The following MAG variants were observed in gnomAD, a reference collection of about 807,000 sequenced individuals.
The protein encoded by MAG is myelin-associated glycoprotein.
A neutral mutation model predicts 60.7 loss-of-function variants in MAG; 30 were observed. The ratio of observed to expected loss-of-function variants is 0.49; its 90% CI spans 0.37 to 0.67. The LOEUF (loss-of-function observed/expected upper bound fraction) is 0.67. Among genes scored for constraint, MAG ranks in the 30% least tolerant of loss-of-function variants. The pLI, the probability that MAG is intolerant of heterozygous loss-of-function variation, is 0.00. For missense variants in MAG, 795 were observed against 851.7 expected (o/e 0.93, Z 0.83); for synonymous variants, 384 against 376.8 (o/e 1.02, Z -0.22).
intron 7 of MAG, among the ~76,000 whole-genome samples, chr19:35,306,838 A>C (rs1461845264): frequency 6.6e-6 from 1 of 151,826 alleles, no homozygotes; most frequent in Non-Finnish European, 1.5e-5. Flanking sequence ...ACAGATGAGA[A>C]CTCCATCCTA....
intron 7 of MAG, among the ~76,000 whole-genome samples, chr19:35,304,246 G>T (rs1599654136): frequency 6.6e-6 from 1 of 152,136 alleles, no homozygotes; most frequent in Middle Eastern, 3.4e-3. Flanking sequence ...GGGCTGCGTG[G>T]TCCCCTGCTC....
At chr19:35,306,685 G>T (rs11879566) in intron 7 of MAG, among the ~76,000 whole-genome samples, 27,719 of 152,168 alleles carry the variant, frequency 0.18, 2,598 homozygotes, top group Middle Eastern at 0.27. Flanking sequence ...TGATCCTCCT[G>T]CCTTGGCCTC....
In MAG at chr19:35,313,484, C is replaced by A; in HGVS notation, c.*30C>A. The stretch of plus-strand genomic sequence containing the variant: ...GCTGGGGGCAGCCTGCGTGGCTGAC[C>A]CCCCTCAGGACCCTCGCTGGCCCCC... On this transcript the variant is annotated 3_prime_UTR_variant, in exon 11 of 11. Coordinates refer to ENST00000392213, the MANE Select transcript of MAG (RefSeq NM_002361.4). 1 of 1,591,770 alleles carries A rather than the reference C, an allele frequency of 6.3e-7. No homozygotes were observed. Among genetic ancestry groups the A allele is most frequent in the Admixed American group, 1.7e-5 (1 of 57,164 alleles).
Position 35,310,071 on chromosome 19 carries a change from C to G in MAG, c.1429C>G (p.Arg477Gly). The G allele has an allele frequency of 6.2e-7, 1 of 1,613,356 alleles. No homozygotes were observed. The highest frequency in any genetic ancestry group is 8.5e-7 in the Non-Finnish European group (1 of 1,179,848). Residue 477 changes from arginine (R) to glycine (G), a missense_variant, in exon 8 of 11, where the codon CGG becomes GGG. Coordinates refer to ENST00000392213, the MANE Select transcript of MAG (RefSeq NM_002361.4). ...CGTGCTCACCAGCATCCTCACGCTG[C>G]GGGGGCAGGCCCAGGCCCCGCCCCG... is the stretch of plus-strand genomic sequence containing the variant. ...GLVLTSILTLRGQAQAPPRVI... is the reference protein window; with the variant it reads ...GLVLTSILTLGGQAQAPPRVI...
chr19:35,295,402 G>A lies in MAG; in HGVS notation c.-7G>A, dbSNP rs201001458. 6.2e-7 allele frequency: 1 copy of A among 1,613,832 alleles called. No individual in the cohort carries two copies. Among genetic ancestry groups the A allele is most frequent in the Non-Finnish European group, 8.5e-7 (1 of 1,179,984 alleles). On this transcript the variant is annotated 5_prime_UTR_variant, in exon 3 of 11. Transcript: ENST00000392213. The surrounding 1 kb of genome is among the most constrained non-coding windows in gnomAD (Gnocchi z 5.8). ...CCTTTCCAGCGATCACTCACTCGCT[G>A]TACAGAATGATATTCCTCACGGCAC...
In MAG at chr19:35,313,431, T is replaced by C. The variant is rs2066543898; in HGVS notation, c.1858T>C (p.Tyr620His). 6.2e-7 allele frequency: 1 copy of C among 1,612,780 alleles called. No homozygotes were observed. Among genetic ancestry groups the C allele is most frequent in the African/African-American group, 1.3e-5 (1 of 74,834 alleles). ...SYTLTEELAE[Y>H]AEIRVK ...CACGCTGACGGAGGAGCTAGCTGAG[T>C]ATGCTGAAATCCGGGTCAAGTGAAG... The change falls in exon 11 of 11, where the codon TAT (tyrosine) becomes CAT (histidine). Residue 620 changes from tyrosine (Y) to histidine (H), a missense_variant. Tyr to His is a moderately conservative substitution (Grantham distance 83, BLOSUM62 2). Transcript: ENST00000392213.
In MAG at chr19:35,295,465, A is replaced by G; in HGVS notation, c.46+11A>G. 3 of 1,614,038 alleles carry G rather than the reference A, an allele frequency of 1.9e-6. No individual in the cohort carries two copies. The highest frequency in any genetic ancestry group is 2.2e-5 in the East Asian group (1 of 44,876). ...GGATTATGATTTCAGGTAACGGCTG[A>G]CAGGTGCTGGGGACCTAAAGGCTTT... On this transcript the variant is annotated intron_variant, in intron 3 of 10. Coordinates refer to ENST00000392213, the MANE Select transcript of MAG (RefSeq NM_002361.4). The surrounding 1 kb of genome is among the most constrained non-coding windows in gnomAD (Gnocchi z 5.8).
chr19:35,302,763 A>T, intron 7 of MAG, 55 bp downstream of exon 7: 1 of 1,589,788 alleles, frequency 6.3e-7, no homozygotes, highest in Non-Finnish European at 8.6e-7. Context: ...GGGGGACACC[A>T]GGGTTACTGT....
intron 4 of MAG, among the ~76,000 whole-genome samples, chr19:35,298,362 A>C (rs1260610087): frequency 6.7e-6 from 1 of 150,202 alleles, no homozygotes. Context: ...CACTACCCAC[A>C]CACCAAATAC....
intron 7 of MAG, among the ~76,000 whole-genome samples, chr19:35,309,290 A>G (rs1437883087): frequency 6.6e-6 from 1 of 152,148 alleles, no homozygotes; most frequent in Admixed American, 6.5e-5. Flanking sequence ...TCATCAGTCC[A>G]AAGCATTTGG....
chr19:35,299,858 TGGGTGCGGGCGGGGCGGGGTGGGGCG>T lies in MAG; in HGVS notation c.712+14_712+39del. The T allele has an allele frequency of 1.3e-6, 1 of 782,338 alleles. No homozygotes were observed. The highest frequency in any genetic ancestry group is 1.5e-6 in the Non-Finnish European group (1 of 662,066). 48.5% of individuals were successfully genotyped at this position (782,338 alleles called of 1,614,324 possible). A position where few individuals can be genotyped will look rare whatever the true frequency, so the allele number is the denominator to read the frequency against. On this transcript the variant is annotated intron_variant, in intron 5 of 10. Coordinates refer to ENST00000392213, the MANE Select transcript of MAG (RefSeq NM_002361.4). ...CCAGCATGGACGTCAAGTGTGAGCC[TGGGTGCGGGCGGGGCGGGGTGGGGCG>T]GGGTGGGGCGGGGTCCGGGGAGGGG...
rs202087211 is a variant in MAG at position 35,300,374 on chromosome 19, G to T, written c.940G>T (p.Asp314Tyr). 86 of 1,590,196 alleles carry T rather than the reference G, an allele frequency of 5.4e-5. 2 individuals are homozygous for T. In the South Asian group the frequency reaches 9.5e-4, roughly 18 times the overall value. Residue 314 changes from aspartate to tyrosine, a missense_variant, in exon 6 of 11, where the codon GAC (aspartate) becomes TAC (tyrosine). Physicochemically the swap from Asp to Tyr is radical, Grantham distance 160. Coordinates refer to ENST00000392213, the MANE Select transcript of MAG (RefSeq NM_002361.4). ...CCTGGCCGAGAATGCCTATGGCCAGGACAACCGCACCGTGGGGCTCAGTGT... is the reference window on the plus strand; with the variant it reads ...CCTGGCCGAGAATGCCTATGGCCAGTACAACCGCACCGTGGGGCTCAGTGT... ...ACLAENAYGQ[D>Y]NRTVGLSVMY...
Position 35,301,233 on chromosome 19 carries a change from G to A in MAG, c.970+829G>A, listed in dbSNP as rs551785740. On this transcript the variant is annotated intron_variant, in intron 6 of 10. Coordinates refer to ENST00000392213, the MANE Select transcript of MAG (RefSeq NM_002361.4). ...AATGAGAGGGTTGAGGGGACTTCAGGCCTCATCCAGCCCCTTGTATGCACA... is the reference window on the plus strand; with the variant it reads ...AATGAGAGGGTTGAGGGGACTTCAGACCTCATCCAGCCCCTTGTATGCACA... Among the ~76,000 whole-genome samples the A allele has an allele frequency of 2.6e-5, 4 of 152,188 alleles. No individual in the cohort carries two copies. In the East Asian group the frequency reaches 5.8e-4, roughly 22 times the overall value.
chr19:35,298,618 C>G (rs747637735), intron 4 of MAG, among the ~76,000 whole-genome samples: 23 of 150,308 alleles, frequency 1.5e-4, no homozygotes, highest in Middle Eastern at 3.5e-3. Context: ...TACCCACACA[C>G]CACACACATA....
chr19:35,304,832 G>A (rs1356752780), intron 7 of MAG, among the ~76,000 whole-genome samples: 1 of 152,188 alleles, frequency 6.6e-6, no homozygotes, highest in African/African-American at 2.4e-5. Flanking sequence ...GAGCCACCAT[G>A]CCCAGCCTAT....
intron 4 of MAG, 73 bp downstream of exon 4, chr19:35,296,054 TC>T: frequency 1.3e-6 from 2 of 1,501,676 alleles, no homozygotes; most frequent in Non-Finnish European, 1.8e-6. Flanking sequence ...CCGGAAGGCC[TC>T]CCCGCACCTT....
At chr19:35,305,169 C>A (rs532230249) in intron 7 of MAG, among the ~76,000 whole-genome samples, 2 of 152,146 alleles carry the variant, frequency 1.3e-5, no homozygotes, top group Non-Finnish European at 2.9e-5. Context: ...CAGCTCCCTA[C>A]TCTTCACCCA....
At chr19:35,303,181 C>G (rs1462337774) in intron 7 of MAG, among the ~76,000 whole-genome samples, 1 of 152,184 alleles carries the variant, frequency 6.6e-6, no homozygotes, top group Non-Finnish European at 1.5e-5. Context: ...GCCTCAGTCT[C>G]CCAAAGTCCT....
rs2066515052 is a variant in MAG at position 35,310,056 on chromosome 19, A to G, written c.1414A>G (p.Ser472Gly). The change falls in exon 8 of 11, where the codon AGC (serine) becomes GGC (glycine). Residue 472 changes from serine to glycine, a missense_variant. Ser to Gly is a moderately conservative substitution (Grantham distance 56). Transcript: ENST00000392213. ...YSERSGLVLT[S>G]ILTLRGQAQA... is the part of the protein sequence containing the mutation. ...GGAGCGCAGCGGCCTCGTGCTCACCAGCATCCTCACGCTGCGGGGGCAGGC... is the reference window on the plus strand; with the variant it reads ...GGAGCGCAGCGGCCTCGTGCTCACCGGCATCCTCACGCTGCGGGGGCAGGC... 6.2e-7 allele frequency: 1 copy of G among 1,613,612 alleles called. No homozygotes were observed. Among genetic ancestry groups the G allele is most frequent in the Admixed American group, 1.7e-5 (1 of 60,002 alleles).
Sources: allele counts gnomAD v4.1 joint callset (sites outside exome capture counted in the v4.1 genomes callset), GRCh38; gene constraint gnomAD v4.1.1; non-coding constraint Gnocchi (gnomAD v3.1); transcripts MANE v1.5; gene names NCBI Gene and HGNC (gene_info 2026-07-23, HGNC 2026-07-21).